ITGA9: variants seen among roughly 807,000 people sequenced by gnomAD.
ITGA9 encodes the protein integrin subunit alpha 9, also known as integrin alpha-9.
Under a neutral mutation model 127.8 loss-of-function variants are expected in ITGA9, and 56 were observed. The observed-to-expected ratio is 0.44, with a 90% CI of 0.35 to 0.55. The LOEUF (loss-of-function observed/expected upper bound fraction) is 0.55, where lower values mean the gene tolerates loss of function less well. Among genes scored for constraint, ITGA9 ranks in the 20% least tolerant of loss-of-function variants. The pLI, the probability that ITGA9 is intolerant of heterozygous loss-of-function variation, is 0.00. For missense variants in ITGA9, 1,196 were observed against 1,347.1 expected (o/e 0.89, Z 1.76); for synonymous variants, 508 against 514.5 (o/e 0.99, Z 0.17).
chr3:37,694,811 TGAAAA>T (rs1381942062), intron 18 of ITGA9, among the ~76,000 whole-genome samples: 1 of 152,114 alleles, frequency 6.6e-6, no homozygotes, highest in Non-Finnish European at 1.5e-5. Flanking sequence ...CAGCATCTCT[TGAAAA>T]GAAAGCCATG....
At chr3:37,503,449 G>A in intron 6 of ITGA9, 142 bp downstream of exon 6, 1 of 924,458 alleles carries the variant, frequency 1.1e-6, no homozygotes, top group Non-Finnish European at 1.7e-6. Context: ...TCTTTAGCCA[G>A]GGCATCTTCA....
intron 17 of ITGA9, among the ~76,000 whole-genome samples, chr3:37,662,742 G>A (rs1384674310): frequency 6.6e-6 from 1 of 152,186 alleles, no homozygotes; most frequent in Non-Finnish European, 1.5e-5. Context: ...TTAGAACTTA[G>A]CTCTCCTGTT....
At chr3:37,473,242 A>G in intron 2 of ITGA9, 112 bp from the exon 3 acceptor site, 1 of 747,620 alleles carries the variant, frequency 1.3e-6, no homozygotes, top group Non-Finnish European at 2.4e-6. Context: ...GAGTTGATTT[A>G]CATTTTGTGG....
intron 24 of ITGA9, among the ~76,000 whole-genome samples, chr3:37,778,084 G>T (rs1000297373): frequency 2.0e-5 from 3 of 152,188 alleles, no homozygotes; most frequent in African/African-American, 4.8e-5. Context: ...GCTAATGAAT[G>T]AATCTCACAG....
chr3:37,715,723 T>C (rs112236170), intron 18 of ITGA9, among the ~76,000 whole-genome samples: 2,809 of 152,306 alleles, frequency 0.018, 40 homozygotes, highest in Non-Finnish European at 0.029. Context: ...GGCTGCCCCA[T>C]TGAAGCATGA....
intron 17 of ITGA9, among the ~76,000 whole-genome samples, chr3:37,681,843 A>G (rs976023237): frequency 3.3e-5 from 5 of 151,568 alleles, no homozygotes; most frequent in African/African-American, 1.2e-4. Flanking sequence ...CTCACCTCTC[A>G]AACGTTCACC....
chr3:37,554,868 A>G (rs1004625418), intron 15 of ITGA9, among the ~76,000 whole-genome samples: 5 of 152,082 alleles, frequency 3.3e-5, no homozygotes, highest in African/African-American at 1.2e-4. Flanking sequence ...TTGTTTTTAG[A>G]CACACTGGTA....
rs775770659 is a variant in ITGA9 at position 37,736,967 on chromosome 3, A to G, written c.2218A>G (p.Ile740Val). 17 of 1,610,962 alleles carry G rather than the reference A, an allele frequency of 1.1e-5. No homozygotes were observed. The highest frequency in any genetic ancestry group is 1.4e-5 in the Non-Finnish European group (16 of 1,177,196). ...LSGEEEVLSF[I>V]VTAQSGNTER... ...TGGGGAAGAGGAAGTTCTCAGCTTC[A>G]TTGTTACTGCTCAGAGGTAAGGGGG... Residue 740 changes from isoleucine to valine, a missense_variant, in exon 20 of 28, where the codon ATT becomes GTT. Transcript: ENST00000264741.
rs367744842 is a variant in ITGA9, at chr3:37,803,814, G to C, written c.2890-9G>C. On this transcript the variant is annotated splice_polypyrimidine_tract_variant and intron_variant, in intron 26 of 27. Transcript: ENST00000264741. ...AAGGAAATGTTTTCACTGTTGCGTT[G>C]CCTCCTAGGTGGTCTTCGAGGCCCT... The C allele has an allele frequency of 7.1e-5, 115 of 1,613,828 alleles. No homozygotes were observed. The highest frequency in any genetic ancestry group is 9.2e-5 in the Non-Finnish European group (109 of 1,179,922).
At chr3:37,786,688 C>G (rs542563291) in intron 26 of ITGA9, among the ~76,000 whole-genome samples, 1 of 151,848 alleles carries the variant, frequency 6.6e-6, no homozygotes, top group East Asian at 1.9e-4. Flanking sequence ...TTTTGGTGAG[C>G]AAGAGATGAG....
intron 15 of ITGA9, chr3:37,585,551 T>C: frequency 4.0e-6 from 2 of 501,076 alleles, no homozygotes; most frequent in Non-Finnish European, 8.0e-6. Flanking sequence ...GAGGGATTCT[T>C]TCAAGTACAA....
Position 37,491,860 on chromosome 3 carries a change from C to T in ITGA9, c.545-2641C>T, listed in dbSNP as rs549280294. On this transcript the variant is annotated intron_variant, in intron 4 of 27. Coordinates refer to ENST00000264741, the MANE Select transcript of ITGA9 (RefSeq NM_002207.3). The stretch of plus-strand genomic sequence containing the variant: ...TGGATTAGGGAGAAACCTAAACCTG[C>T]CCTCTTGACATATATATGAAGGAAT... Among the ~76,000 whole-genome samples, 238 of 152,272 alleles carry T rather than the reference C, an allele frequency of 1.6e-3. 1 individual carries two copies. The highest frequency in any genetic ancestry group is 1.2e-3 in the Non-Finnish European group (81 of 68,004).
intron 25 of ITGA9, 95 bp from the exon 26 acceptor site, chr3:37,784,882 T>C: frequency 2.8e-6 from 3 of 1,054,862 alleles, no homozygotes; most frequent in Non-Finnish European, 4.4e-6. Context: ...CTGGGCTACA[T>C]GGAATCATGG....
intron 18 of ITGA9, among the ~76,000 whole-genome samples, chr3:37,705,141 C>G (rs1293768456): frequency 6.6e-6 from 1 of 152,196 alleles, no homozygotes; most frequent in Non-Finnish European, 1.5e-5. Flanking sequence ...GGCATTCACT[C>G]TTTCATTCAG....
intron 18 of ITGA9, among the ~76,000 whole-genome samples, chr3:37,692,316 T>TATAAAACATAGA (rs1371461083): frequency 1.2e-4 from 18 of 152,152 alleles, no homozygotes; most frequent in African/African-American, 3.9e-4. Context: ...AAGGCAAGAA[T>TATAAAACATAGA]ATAAAACATA....
At chr3:37,678,076 A>G (rs1466354927) in intron 17 of ITGA9, among the ~76,000 whole-genome samples, 1 of 152,204 alleles carries the variant, frequency 6.6e-6, no homozygotes, top group Non-Finnish European at 1.5e-5. Flanking sequence ...TTGTCTGTCC[A>G]TGGACACTTT....
chr3:37,499,668 C>T (rs1177813939), intron 5 of ITGA9, among the ~76,000 whole-genome samples: 1 of 152,150 alleles, frequency 6.6e-6, no homozygotes, highest in Non-Finnish European at 1.5e-5. Flanking sequence ...AAGGCACTGT[C>T]CCTCCCTTCA....
Position 37,508,557 on chromosome 3 carries a change from A to G in ITGA9, c.829-2A>G, listed in dbSNP as rs1415699626. The G allele has an allele frequency of 1.2e-6, 2 of 1,608,584 alleles. No homozygotes were observed. Among genetic ancestry groups the G allele is most frequent in the South Asian group, 1.1e-5 (1 of 90,752 alleles). On this transcript the variant is annotated splice_acceptor_variant, in intron 7 of 27. Transcript: ENST00000264741. LOFTEE classifies it high-confidence loss of function. ...CTAGATTTTTTTTTTTTCATTCCATAGGTTTATATTTTCAGAGCTGACCGA... is the reference window on the plus strand; with the variant it reads ...CTAGATTTTTTTTTTTTCATTCCATGGGTTTATATTTTCAGAGCTGACCGA...
intron 2 of ITGA9, among the ~76,000 whole-genome samples, chr3:37,473,049 C>A (rs570921224): frequency 7.2e-6 from 1 of 139,106 alleles, no homozygotes; most frequent in East Asian, 2.2e-4. Flanking sequence ...TGAGGCAGGG[C>A]AATCGCTTGA....
Sources: allele counts gnomAD v4.1 joint callset (sites outside exome capture counted in the v4.1 genomes callset), GRCh38; gene constraint gnomAD v4.1.1; transcripts MANE v1.5; gene names NCBI Gene and HGNC (gene_info 2026-07-23, HGNC 2026-07-21).